The following PRIM2 variants were observed in gnomAD, a reference collection of about 807,000 sequenced individuals.
PRIM2 encodes DNA primase subunit 2, also known as DNA primase large subunit.
PRIM2 carries 39 observed loss-of-function variants against 67.3 expected under a neutral mutation model. The ratio of observed to expected loss-of-function variants is 0.58; its 90% CI spans 0.45 to 0.76. PRIM2 has a LOEUF of 0.76. Ranked by LOEUF, PRIM2 falls within the 30% of genes least tolerant of loss-of-function variation. PRIM2 has a pLI of 0.00. For missense variants in PRIM2, 398 were observed against 598.7 expected (o/e 0.66, Z 3.50); for synonymous variants, 143 against 198.7 (o/e 0.72, Z 2.36).
At position 57,524,430 on chromosome 6, in the gene PRIM2, G is replaced by A. The variant is rs1554349176; in HGVS notation, c.762-7981G>A. Among the ~76,000 whole-genome samples the A allele has an allele frequency of 9.2e-5, 14 of 152,194 alleles. 1 individual carries two copies. The South Asian group carries it at 2.7e-3, about 29-fold the overall frequency. ...TTAAAAGATGCTTTTGGCTGGGCAC[G>A]GTGGCTCACGCCTGTAATCCCAGCA... is the stretch of plus-strand genomic sequence containing the variant. On this transcript the variant is annotated intron_variant, in intron 8 of 13. Coordinates refer to ENST00000615550, the MANE Select transcript of PRIM2 (RefSeq NM_000947.5).
chr6:57,631,193 C>T (rs1777033584), intron 12 of PRIM2, among the ~76,000 whole-genome samples: 1 of 151,996 alleles, frequency 6.6e-6, no homozygotes, highest in Non-Finnish European at 1.5e-5. Context: ...GAATTTGAGA[C>T]CCCATGTTCA....
chr6:57,287,717 T>C, the PRIM2 span, among the ~76,000 whole-genome samples: 1 of 151,740 alleles, frequency 6.6e-6, no homozygotes. Context: ...ATGGCACCTG[T>C]ATACCTGTGT....
chr6:57,471,162 C>G (rs1325250484), intron 7 of PRIM2, among the ~76,000 whole-genome samples: 2 of 151,942 alleles, frequency 1.3e-5, no homozygotes, highest in African/African-American at 4.8e-5. Flanking sequence ...CTCCAGGGAC[C>G]ATCTGGTTTG....
chr6:57,417,165 C>T (rs1771292979), intron 7 of PRIM2, among the ~76,000 whole-genome samples: 1 of 152,050 alleles, frequency 6.6e-6, no homozygotes, highest in Non-Finnish European at 1.5e-5. Context: ...CGGGGTTTCA[C>T]CATGTTGGTC....
chr6:57,491,798 G>T (rs1441524189), intron 7 of PRIM2, among the ~76,000 whole-genome samples: 1 of 152,140 alleles, frequency 6.6e-6, no homozygotes, highest in Non-Finnish European at 1.5e-5. Context: ...AAAGAGAGGG[G>T]TCCTGAATGC....
chr6:57,233,653 C>T, the PRIM2 span, among the ~76,000 whole-genome samples: 4 of 129,710 alleles, frequency 3.1e-5, no homozygotes, highest in African/African-American at 5.6e-5. Flanking sequence ...CTTCCTTCCT[C>T]CCTCCCTCCC....
At chr6:57,645,327 A>T (rs1164721125) in intron 13 of PRIM2, among the ~76,000 whole-genome samples, 16 of 37,348 alleles carry the variant, frequency 4.3e-4, no homozygotes, top group African/African-American at 2.4e-3. Context: ...TCATTCACAC[A>T]CACACACACA....
chr6:57,430,447 G>GTTTTTTTT (rs71687266), intron 7 of PRIM2, among the ~76,000 whole-genome samples: 15 of 78,160 alleles, frequency 1.9e-4, no homozygotes, highest in Admixed American at 3.9e-4. Flanking sequence ...TTCTTTCTTT[G>GTTTTTTTT]TTTTTTTTTT....
intron 7 of PRIM2, among the ~76,000 whole-genome samples, chr6:57,474,453 C>T (rs1773425177): frequency 6.6e-6 from 1 of 152,002 alleles, no homozygotes; most frequent in Admixed American, 6.6e-5. Context: ...GGATTACAGG[C>T]GTGAGCCACC....
Position 57,345,474 on chromosome 6 carries a change from A to ATC in PRIM2, c.459+19430_459+19431insCT, listed in dbSNP as rs1554327210. On this transcript the variant is annotated intron_variant, in intron 5 of 13. Transcript: ENST00000615550. Reference sequence around the variant, plus strand: ...GAGCCACCATGCCTGATATATATATATGTGTGTGTGTGTGTGTGTGTGTGT... The same window carrying ATC: ...GAGCCACCATGCCTGATATATATATATCTGTGTGTGTGTGTGTGTGTGTGTGT... Among the ~76,000 whole-genome samples the ATC allele has an allele frequency of 2.4e-5, 3 of 124,654 alleles. No homozygotes were observed. The East Asian group carries it at 6.7e-4, about 28-fold the overall frequency. 81.8% of individuals were successfully genotyped at this position (124,654 alleles called of 152,430 possible).
rs1776811749 is a variant in PRIM2 at position 57,619,391 on chromosome 6, C to A, written c.1231-12742C>A. Among the ~76,000 whole-genome samples the A allele has an allele frequency of 2.6e-5, 4 of 152,108 alleles. No homozygotes were observed. In the East Asian group the frequency reaches 7.7e-4, roughly 29 times the overall value. ...ACCCCCTAAAAATCATACTAGTTCACCAGCAATCGATCCAAACCAAGAAGA... is the reference window on the plus strand; with the variant it reads ...ACCCCCTAAAAATCATACTAGTTCAACAGCAATCGATCCAAACCAAGAAGA... On this transcript the variant is annotated intron_variant, in intron 12 of 13. Coordinates refer to ENST00000615550, the MANE Select transcript of PRIM2 (RefSeq NM_000947.5).
At chr6:57,464,073 C>T (rs1324518393) in intron 7 of PRIM2, among the ~76,000 whole-genome samples, 4 of 152,140 alleles carry the variant, frequency 2.6e-5, no homozygotes, top group Non-Finnish European at 5.9e-5. Context: ...CTAACTCCTA[C>T]TCACTTTCCG....
At chr6:57,468,416 T>C (rs1773256268) in intron 7 of PRIM2, among the ~76,000 whole-genome samples, 1 of 152,226 alleles carries the variant, frequency 6.6e-6, no homozygotes, top group Non-Finnish European at 1.5e-5. Flanking sequence ...GTTCTGTTTA[T>C]GTGATGGATT....
At chr6:57,396,981 T>C (rs9475922) in intron 7 of PRIM2, among the ~76,000 whole-genome samples, 108,005 of 151,988 alleles carry the variant, frequency 0.71, 38,703 homozygotes, top group African/African-American at 0.81. Context: ...TTTGAGGAGG[T>C]GGAAGACAGG....
chr6:57,287,618 G>A, the PRIM2 span, among the ~76,000 whole-genome samples: 1 of 152,028 alleles, frequency 6.6e-6, no homozygotes, highest in Non-Finnish European at 1.5e-5. Flanking sequence ...AGGGGGTGGG[G>A]GCAAGAGGAG....
chr6:57,238,858 T>C, the PRIM2 span, among the ~76,000 whole-genome samples: 1 of 152,224 alleles, frequency 6.6e-6, no homozygotes, highest in Non-Finnish European at 1.5e-5. Context: ...ATTTTCTGCT[T>C]AACAGCCTTG....
intron 7 of PRIM2, among the ~76,000 whole-genome samples, chr6:57,505,909 T>C (rs1333423583): frequency 6.6e-6 from 1 of 152,116 alleles, no homozygotes; most frequent in Non-Finnish European, 1.5e-5. Context: ...TTTTGAAATG[T>C]CTAGATAAAT....
intron 7 of PRIM2, among the ~76,000 whole-genome samples, chr6:57,415,194 G>A (rs1371093619): frequency 1.3e-5 from 2 of 152,020 alleles, no homozygotes; most frequent in African/African-American, 4.8e-5. Flanking sequence ...AACACTAAAA[G>A]CAACACTAAT....
chr6:57,530,591 G>A (rs1774865879), intron 8 of PRIM2, among the ~76,000 whole-genome samples: 1 of 152,128 alleles, frequency 6.6e-6, no homozygotes, highest in Non-Finnish European at 1.5e-5. Flanking sequence ...TTCATATTTT[G>A]GGGGGTGGCA....
Sources: allele counts gnomAD v4.1 joint callset (sites outside exome capture counted in the v4.1 genomes callset), GRCh38; gene constraint gnomAD v4.1.1; transcripts MANE v1.5; gene names NCBI Gene and HGNC (gene_info 2026-07-23, HGNC 2026-07-21).